The following TENM2 variants were observed in gnomAD, a reference collection of about 807,000 sequenced individuals.
TENM2 encodes the protein teneurin-2.
Under a neutral mutation model 245.2 loss-of-function variants are expected in TENM2, and 52 were observed. The ratio of observed to expected loss-of-function variants is 0.21; its 90% confidence interval spans 0.17 to 0.27. The LOEUF is 0.27. TENM2 is among the 10% of genes least tolerant of loss of function. TENM2 has a pLI of 1.00. For missense variants in TENM2, 3,046 were observed against 3,666.8 expected, an observed-to-expected ratio of 0.83 and a Z score of 4.37; for synonymous variants, 1,363 against 1,438.9, an observed-to-expected ratio of 0.95 and a Z score of 1.19.
At chr5:168,036,707 G>GTATATATATACGTATGTGTA (rs202165206) in intron 5 of TENM2, among the ~76,000 whole-genome samples, 1 of 114,192 alleles carries the variant, frequency 8.8e-6, no homozygotes, top group African/African-American at 3.9e-5. Context: ...ATATGTATGT[G>GTATATATATACGTATGTGTA]TATATATATG....
chr5:168,036,677 G>GTGTATATATA lies in TENM2; in HGVS notation c.1187-10749_1187-10748insGTATATATAT, dbSNP rs575960979. Among the ~76,000 whole-genome samples the GTGTATATATA allele has an allele frequency of 5.1e-5, 6 of 117,794 alleles. No homozygotes were observed. The East Asian group carries it at 1.2e-3, about 24-fold the overall frequency. The allele number at this position is 117,794 out of a possible 152,430, so 77.3% of individuals were successfully genotyped here. A position where few individuals can be genotyped will look rare whatever the true frequency, so the allele number is the denominator to read the frequency against. On this transcript the variant is annotated intron_variant, in intron 5 of 28. Transcript: ENST00000518659. ...ATATATATATATAATATATGTATGT[G>GTGTATATATA]TATATATATATATATATATATATGT...
chr5:167,698,961 C>T (rs949455925), intron 2 of TENM2, among the ~76,000 whole-genome samples: 6 of 151,854 alleles, frequency 4.0e-5, no homozygotes, highest in African/African-American at 1.2e-4. Context: ...GGATTACAGG[C>T]GTGAGCCACC....
intron 12 of TENM2, chr5:168,130,506 C>T (rs1486158169): frequency 6.6e-6 from 1 of 152,170 alleles, no homozygotes; most frequent in Non-Finnish European, 1.5e-5. Flanking sequence ...GCAGACGGCA[C>T]ATTGTGTGGC....
intron 1 of TENM2, among the ~76,000 whole-genome samples, chr5:167,319,976 G>A (rs1463465140): frequency 2.6e-5 from 4 of 152,148 alleles, no homozygotes; most frequent in African/African-American, 9.7e-5. Flanking sequence ...CACTCTACTA[G>A]CAGTAATGAT....
chr5:166,979,861 C>A, the TENM2 span, among the ~76,000 whole-genome samples: 1 of 152,068 alleles, frequency 6.6e-6, no homozygotes, highest in Non-Finnish European at 1.5e-5. Context: ...TAATGTTCAT[C>A]GCAATTATAG....
intron 3 of TENM2, among the ~76,000 whole-genome samples, chr5:167,915,936 G>C (rs1330577603): frequency 4.6e-5 from 7 of 152,160 alleles, no homozygotes; most frequent in Admixed American, 3.9e-4. Context: ...TATCCACACT[G>C]CTATCTTATC....
intron 2 of TENM2, among the ~76,000 whole-genome samples, chr5:167,673,855 A>G (rs1479151061): frequency 6.6e-6 from 1 of 152,032 alleles, no homozygotes; most frequent in Non-Finnish European, 1.5e-5. Context: ...TAATGAATAA[A>G]ATAATATTGT....
the TENM2 span, among the ~76,000 whole-genome samples, chr5:167,170,596 A>C: frequency 2.0e-5 from 3 of 152,196 alleles, no homozygotes; most frequent in African/African-American, 7.2e-5. Context: ...CTCATTGGGA[A>C]TTTTATGTCA....
the TENM2 span, among the ~76,000 whole-genome samples, chr5:167,245,709 A>G: frequency 6.6e-6 from 1 of 152,186 alleles, no homozygotes; most frequent in Non-Finnish European, 1.5e-5. Context: ...AGAAGAAAGG[A>G]TATTTCCTGG....
At chr5:167,101,002 A>G in the TENM2 span, among the ~76,000 whole-genome samples, 1 of 152,256 alleles carries the variant, frequency 6.6e-6, no homozygotes, top group Admixed American at 6.5e-5. Flanking sequence ...TACATGTTTA[A>G]GTACCACTTG....
At chr5:167,703,464 G>A (rs146107091) in intron 2 of TENM2, among the ~76,000 whole-genome samples, 14,210 of 148,306 alleles carry the variant, frequency 0.096, 816 homozygotes, top group Middle Eastern at 0.2. Flanking sequence ...CCCAGGAGGC[G>A]GAGGTTGCAG....
At chr5:168,163,976 G>T (rs775490502) in intron 13 of TENM2, among the ~76,000 whole-genome samples, 2 of 152,094 alleles carry the variant, frequency 1.3e-5, no homozygotes, top group African/African-American at 2.4e-5. Context: ...TAGACTCCCA[G>T]TAAAACTTGT....
At chr5:167,845,220 C>G (rs547701938) in intron 2 of TENM2, among the ~76,000 whole-genome samples, 1 of 149,360 alleles carries the variant, frequency 6.7e-6, no homozygotes, top group East Asian at 2.0e-4. Flanking sequence ...CCCCTTCCCC[C>G]GAGTCCCCCC....
chr5:167,035,159 A>G, the TENM2 span, among the ~76,000 whole-genome samples: 1 of 152,136 alleles, frequency 6.6e-6, no homozygotes, highest in Non-Finnish European at 1.5e-5. Flanking sequence ...CAGAGATATT[A>G]CTATGCATAG....
intron 5 of TENM2, among the ~76,000 whole-genome samples, chr5:168,009,842 G>A (rs1367511114): frequency 1.3e-5 from 2 of 152,192 alleles, no homozygotes; most frequent in African/African-American, 2.4e-5. Flanking sequence ...GCTTGGCCAT[G>A]AAGCCAGACA....
rs1317656803 is a variant in TENM2, at chr5:167,545,420, A to G, written c.502+169947A>G. The stretch of plus-strand genomic sequence containing the variant: ...ATCAGTCAAAGATCCTCTTCTCTAT[A>G]ATGATATTACTCAGGCACCTGCACA... On this transcript the variant is annotated intron_variant, in intron 2 of 28. Transcript: ENST00000518659. 2.0e-5 allele frequency among the ~76,000 whole-genome samples: 3 copies of G among 152,214 alleles called. No homozygotes were observed. The East Asian group carries it at 5.8e-4, about 29-fold the overall frequency.
chr5:168,075,606 C>T (rs1457057756), intron 7 of TENM2, among the ~76,000 whole-genome samples: 2 of 152,198 alleles, frequency 1.3e-5, no homozygotes, highest in Admixed American at 1.3e-4. Flanking sequence ...ACTAGAGTTT[C>T]ATATGCAAGG....
chr5:167,132,296 T>A, the TENM2 span, among the ~76,000 whole-genome samples: 1 of 152,078 alleles, frequency 6.6e-6, no homozygotes, highest in Non-Finnish European at 1.5e-5. Flanking sequence ...TCACATAGAC[T>A]CTCTCCCAAA....
At chr5:168,225,828 A>C (rs1372527773) in intron 23 of TENM2, among the ~76,000 whole-genome samples, 1 of 151,820 alleles carries the variant, frequency 6.6e-6, no homozygotes, top group African/African-American at 2.4e-5. Context: ...TGTTTTCTCT[A>C]ACTAACTAGA....
Sources: gnomAD v4.1 joint callset for allele counts (sites outside exome capture counted in the v4.1 genomes callset) on GRCh38, gnomAD v4.1.1 for gene constraint, MANE v1.5 for transcripts, NCBI Gene and HGNC (gene_info 2026-07-23, HGNC 2026-07-21) for gene names.